LRRC4C: variants seen among roughly 807,000 people sequenced by gnomAD.
LRRC4C encodes leucine-rich repeat-containing protein 4C.
In LRRC4C, 5 loss-of-function variants were observed where a neutral mutation model predicts 33.6. The ratio of observed to expected loss-of-function variants is 0.15; its 90% CI spans 0.08 to 0.31. The LOEUF is 0.31. Ranked by LOEUF, LRRC4C falls within the 10% of genes least tolerant of loss-of-function variation. The probability of loss-of-function intolerance (pLI) is 1.00; values close to 1 mark genes in which losing one functional copy is unlikely to be tolerated. For synonymous variants in LRRC4C, 329 were observed against 302.0 expected (o/e 1.09, Z -0.93); for missense variants, 560 against 796.7 (o/e 0.70, Z 3.58).
intron 1 of LRRC4C, among the ~76,000 whole-genome samples, chr11:40,992,325 T>A (rs1482930823): frequency 6.6e-6 from 1 of 152,096 alleles, no homozygotes; most frequent in East Asian, 1.9e-4. Flanking sequence ...TTATTTATGT[T>A]AAGATATAAT....
chr11:40,143,918 G>A (rs1407991224), intron 5 of LRRC4C, among the ~76,000 whole-genome samples: 2 of 152,164 alleles, frequency 1.3e-5, no homozygotes, highest in Non-Finnish European at 1.5e-5. Context: ...AGAGAGATCA[G>A]TGCCTTCCTT....
chr11:40,518,110 C>G (rs747208000), intron 3 of LRRC4C, among the ~76,000 whole-genome samples: 1 of 152,064 alleles, frequency 6.6e-6, no homozygotes, highest in African/African-American at 2.4e-5. Flanking sequence ...AAAATTAACT[C>G]AAGGTGGATT....
chr11:41,291,499 T>C lies in LRRC4C; in HGVS notation c.-496+167932A>G, dbSNP rs574354917. ...GAATTTTTACTGCAAAATTTAGTAT[T>C]CTAACATTTTGTCAAAGAGATACAC... is the stretch of plus-strand genomic sequence containing the variant. On this transcript the variant is annotated intron_variant, in intron 1 of 6. Transcript: ENST00000528697. Among the ~76,000 whole-genome samples the C allele has an allele frequency of 6.6e-5, 10 of 152,314 alleles. No homozygotes were observed. In the South Asian group the frequency reaches 2.1e-3, roughly 32 times the overall value.
At chr11:41,325,576 TTTGTGTGTGTG>T (rs1228849767) in intron 1 of LRRC4C, among the ~76,000 whole-genome samples, 2 of 65,466 alleles carry the variant, frequency 3.1e-5, no homozygotes, top group East Asian at 5.7e-4. Context: ...GTTTTTTTTT[TTTGTGTGTGTG>T]TGTGTGTGTG....
At chr11:40,309,429 G>A (rs533218873) in intron 4 of LRRC4C, among the ~76,000 whole-genome samples, 2 of 151,908 alleles carry the variant, frequency 1.3e-5, no homozygotes, top group African/African-American at 4.8e-5. Flanking sequence ...CATTATATGA[G>A]TAGACAATAT....
At chr11:40,882,194 C>CA (rs1426812452) in intron 2 of LRRC4C, among the ~76,000 whole-genome samples, 3 of 152,050 alleles carry the variant, frequency 2.0e-5, no homozygotes, top group Non-Finnish European at 4.4e-5. Flanking sequence ...GCTTGCTGCT[C>CA]TACACAACCC....
intron 1 of LRRC4C, among the ~76,000 whole-genome samples, chr11:40,995,530 C>A (rs564244220): frequency 9.1e-4 from 139 of 152,268 alleles, no homozygotes; most frequent in Middle Eastern, 3.4e-3. Flanking sequence ...CTAATCACGT[C>A]TAATCCATCA....
intron 1 of LRRC4C, among the ~76,000 whole-genome samples, chr11:41,446,320 G>T (rs1186564050): frequency 2.0e-5 from 3 of 152,224 alleles, no homozygotes; most frequent in Non-Finnish European, 4.4e-5. Flanking sequence ...AATACGGAGA[G>T]ACTTAAAACA....
In LRRC4C at chr11:40,546,876, C is replaced by A. The variant is rs533113280; in HGVS notation, c.-270+101266G>T. ...ACTAACACTGCAGTAAGTGGCTGGG[C>A]TGCAATTGTTAGACTCACAAGCCCA... is the stretch of plus-strand genomic sequence containing the variant. On this transcript the variant is annotated intron_variant, in intron 3 of 6. Coordinates refer to ENST00000528697, the MANE Select transcript of LRRC4C (RefSeq NM_001258419.2). Among the ~76,000 whole-genome samples, 3 of 152,222 alleles carry A rather than the reference C, an allele frequency of 2.0e-5. 1 individual carries two copies. The South Asian group carries it at 6.2e-4, about 32-fold the overall frequency.
At chr11:41,140,093 C>T (rs1190071610) in intron 1 of LRRC4C, among the ~76,000 whole-genome samples, 1 of 152,094 alleles carries the variant, frequency 6.6e-6, no homozygotes, top group Non-Finnish European at 1.5e-5. Context: ...ATTGTTTAAC[C>T]TTTCTGACTT....
rs369614534 is a variant in LRRC4C, at chr11:40,206,951, CACAA to C, written c.-96+34564_-96+34567del. ...GGGGGAAGGGGACACTATGCACACTCACAAACAAACAAACAAACAAACAAACAAA... is the reference window on the plus strand; with the variant it reads ...GGGGGAAGGGGACACTATGCACACTCACAAACAAACAAACAAACAAACAAA... On this transcript the variant is annotated intron_variant, in intron 5 of 6. Coordinates refer to ENST00000528697, the MANE Select transcript of LRRC4C (RefSeq NM_001258419.2). Among the ~76,000 whole-genome samples the C allele has an allele frequency of 4.6e-3, 697 of 151,902 alleles. 2 individuals are homozygous for C. Among genetic ancestry groups the C allele is most frequent in the African/African-American group, 0.012 (498 of 41,434 alleles).
intron 1 of LRRC4C, among the ~76,000 whole-genome samples, chr11:40,983,116 A>G (rs1852658067): frequency 6.6e-6 from 1 of 152,112 alleles, no homozygotes; most frequent in South Asian, 2.1e-4. Flanking sequence ...GCTGTTGTGA[A>G]TAGTGCTGTA....
chr11:40,120,025 C>T (rs1855716073), intron 6 of LRRC4C, among the ~76,000 whole-genome samples: 1 of 152,222 alleles, frequency 6.6e-6, no homozygotes, highest in Non-Finnish European at 1.5e-5. Context: ...ACAATAAAGG[C>T]TCTTGCCCAC....
chr11:41,399,139 C>T (rs1434377708), intron 1 of LRRC4C, among the ~76,000 whole-genome samples: 2 of 151,948 alleles, frequency 1.3e-5, no homozygotes, highest in African/African-American at 2.4e-5. Flanking sequence ...ACCTCAGTCT[C>T]TTTGTCTATA....
chr11:40,198,174 C>G (rs1281475716), intron 5 of LRRC4C, among the ~76,000 whole-genome samples: 1 of 152,078 alleles, frequency 6.6e-6, no homozygotes, highest in Admixed American at 6.5e-5. Context: ...AAGGGACGGA[C>G]AAGTGTTAAA....
chr11:41,023,974 G>T (rs1274168899), intron 1 of LRRC4C, among the ~76,000 whole-genome samples: 11 of 151,668 alleles, frequency 7.3e-5, no homozygotes. Context: ...CAGGTGCTTG[G>T]CTTGTGTTGA....
intron 1 of LRRC4C, among the ~76,000 whole-genome samples, chr11:41,230,650 A>T (rs948523774): frequency 1.3e-5 from 2 of 151,990 alleles, no homozygotes; most frequent in African/African-American, 4.8e-5. Flanking sequence ...CTCTTTCTAA[A>T]CCCTAGAAGA....
chr11:40,119,590 GA>G (rs1181438753), intron 6 of LRRC4C, among the ~76,000 whole-genome samples: 2 of 152,076 alleles, frequency 1.3e-5, no homozygotes, highest in East Asian at 3.9e-4. Flanking sequence ...AAAAGATATT[GA>G]AAAATGTATG....
At chr11:40,363,934 A>G (rs1388541455) in intron 3 of LRRC4C, among the ~76,000 whole-genome samples, 4 of 152,042 alleles carry the variant, frequency 2.6e-5, no homozygotes, top group African/African-American at 7.2e-5. Flanking sequence ...TGATTATAAT[A>G]TTTTTTGCTT....
Sources: gnomAD v4.1 joint callset for allele counts (sites outside exome capture counted in the v4.1 genomes callset) on GRCh38, gnomAD v4.1.1 for gene constraint, MANE v1.5 for transcripts, NCBI Gene and HGNC (gene_info 2026-07-23, HGNC 2026-07-21) for gene names.